The following ASTN1 variants were observed in gnomAD, a reference collection of about 807,000 sequenced individuals.
The protein encoded by ASTN1 is astrotactin-1.
In ASTN1, 41 loss-of-function variants were observed where a neutral mutation model predicts 140.7. That is an observed-to-expected ratio of 0.29 (90% CI 0.23 to 0.38). The LOEUF is 0.38. ASTN1 is among the 10% of genes least tolerant of loss of function. ASTN1 has a pLI of 1.00. For missense variants in ASTN1, 1,479 were observed against 1,678.8 expected, an observed-to-expected ratio of 0.88 and a Z score of 2.08; for synonymous variants, 640 against 652.2, an observed-to-expected ratio of 0.98 and a Z score of 0.29.
At chr1:177,107,656 C>G (rs886888923) in intron 1 of ASTN1, among the ~76,000 whole-genome samples, 2 of 152,210 alleles carry the variant, frequency 1.3e-5, no homozygotes, top group South Asian at 2.1e-4. Context: ...CTCCCCCAGA[C>G]AGCCCTCACC....
At chr1:177,116,312 C>A (rs1461949674) in intron 1 of ASTN1, among the ~76,000 whole-genome samples, 1 of 152,122 alleles carries the variant, frequency 6.6e-6, no homozygotes, top group Non-Finnish European at 1.5e-5. Flanking sequence ...CTGTATTTTA[C>A]ACTATTATAT....
chr1:176,863,712 G>A lies in ASTN1; in HGVS notation c.*572C>T, dbSNP rs1668039150. On this transcript the variant is annotated 3_prime_UTR_variant, in exon 23 of 23. Transcript: ENST00000361833. ...TTCACCTTTCGGGTATGGAAATAGT[G>A]ATAGCAAGGCCTAGGAAGAAAACCA... 2.0e-6 allele frequency: 2 copies of A among 986,148 alleles called. No individual in the cohort carries two copies. The highest frequency in any genetic ancestry group is 1.2e-6 in the Non-Finnish European group (1 of 830,476). 61.1% of individuals were successfully genotyped at this position (986,148 alleles called of 1,614,324 possible). A position where few individuals can be genotyped will look rare whatever the true frequency, so the allele number is the denominator to read the frequency against.
chr1:177,043,168 T>G (rs1369926532), intron 2 of ASTN1, among the ~76,000 whole-genome samples: 3 of 152,172 alleles, frequency 2.0e-5, no homozygotes, highest in African/African-American at 7.2e-5. Context: ...CTCAACCATT[T>G]CCTTGAGAAC....
At chr1:176,995,007 T>C (rs1341009012) in intron 8 of ASTN1, among the ~76,000 whole-genome samples, 1 of 152,194 alleles carries the variant, frequency 6.6e-6, no homozygotes, top group Non-Finnish European at 1.5e-5. Context: ...AAGAACACCA[T>C]GCCAAATGTT....
chr1:177,149,375 A>C (rs184796459), intron 1 of ASTN1, among the ~76,000 whole-genome samples: 1 of 75,196 alleles, frequency 1.3e-5, no homozygotes, highest in Non-Finnish European at 2.1e-5. Flanking sequence ...TATATAGTAT[A>C]TATAGTAAAT....
chr1:176,892,753 T>C (rs10913272), intron 17 of ASTN1, among the ~76,000 whole-genome samples: 15,695 of 152,242 alleles, frequency 0.1, 920 homozygotes, highest in African/African-American at 0.17. Context: ...CATTGAATTA[T>C]ATTCTAATGT....
chr1:176,988,317 G>GAAAAA (rs386368806), intron 8 of ASTN1, among the ~76,000 whole-genome samples: 8 of 139,942 alleles, frequency 5.7e-5, no homozygotes, highest in South Asian at 2.3e-4. Context: ...GATATATTGG[G>GAAAAA]AAAAAAAAAA....
chr1:177,041,446 C>A (rs908596735), intron 2 of ASTN1, among the ~76,000 whole-genome samples: 1 of 152,214 alleles, frequency 6.6e-6, no homozygotes, highest in African/African-American at 2.4e-5. Flanking sequence ...CACTCCAGGT[C>A]TCTGTCTCAG....
intron 1 of ASTN1, among the ~76,000 whole-genome samples, chr1:177,093,699 G>A (rs1490209668): frequency 2.6e-5 from 4 of 152,100 alleles, no homozygotes; most frequent in Non-Finnish European, 5.9e-5. Context: ...AACAGGGCCT[G>A]GGTGAGTTGA....
chr1:176,949,043 C>G, intron 12 of ASTN1, 142 bp downstream of exon 12: 1 of 1,221,132 alleles, frequency 8.2e-7, no homozygotes, highest in Non-Finnish European at 1.1e-6. Flanking sequence ...ATGTTCCCCC[C>G]CAAGTCCTAG....
chr1:177,098,165 A>G (rs1283152355), intron 1 of ASTN1, among the ~76,000 whole-genome samples: 1 of 152,104 alleles, frequency 6.6e-6, no homozygotes, highest in Non-Finnish European at 1.5e-5. Flanking sequence ...TGGACTTGCC[A>G]TTGGCGTCTG....
chr1:177,149,849 G>C lies in ASTN1; in HGVS notation c.283+14545C>G, dbSNP rs75051320. On this transcript the variant is annotated intron_variant, in intron 1 of 22. Coordinates refer to ENST00000361833, the MANE Select transcript of ASTN1 (RefSeq NM_004319.3). ...TATATACATAGTAAATATATATACAGTGTATATACATAGTAAATATATATA... is the reference window on the plus strand; with the variant it reads ...TATATACATAGTAAATATATATACACTGTATATACATAGTAAATATATATA... 1.9e-3 allele frequency among the ~76,000 whole-genome samples: 226 copies of C among 121,862 alleles called. 1 individual carries two copies. Among genetic ancestry groups the C allele is most frequent in the Non-Finnish European group, 2.2e-3 (128 of 58,376 alleles). 79.9% of individuals were successfully genotyped at this position (121,862 alleles called of 152,430 possible). A position where few individuals can be genotyped will look rare whatever the true frequency, so the allele number is the denominator to read the frequency against.
At chr1:177,049,105 C>T (rs1677398553) in intron 2 of ASTN1, among the ~76,000 whole-genome samples, 1 of 152,158 alleles carries the variant, frequency 6.6e-6, no homozygotes, top group Non-Finnish European at 1.5e-5. Flanking sequence ...TTTTTTCATG[C>T]ATTTCTTTCT....
chr1:177,125,760 A>G (rs1681612065), intron 1 of ASTN1, among the ~76,000 whole-genome samples: 1 of 152,128 alleles, frequency 6.6e-6, no homozygotes, highest in Non-Finnish European at 1.5e-5. Flanking sequence ...AACACCCTTA[A>G]TTTCCTCATA....
chr1:176,860,924 CT>C (rs529430972), downstream of ASTN1: 546 of 289,066 alleles, frequency 1.9e-3, 2 homozygotes, highest in Non-Finnish European at 2.5e-3. Context: ...ATATTTGATT[CT>C]TTTTTTTTCC....
At chr1:176,996,440 T>A (rs1674451645) in intron 8 of ASTN1, among the ~76,000 whole-genome samples, 1 of 152,010 alleles carries the variant, frequency 6.6e-6, no homozygotes, top group Non-Finnish European at 1.5e-5. Context: ...CCAACCCCCA[T>A]CCCATGGCGC....
At chr1:177,056,198 A>T (rs906236790) in intron 2 of ASTN1, among the ~76,000 whole-genome samples, 4 of 152,228 alleles carry the variant, frequency 2.6e-5, no homozygotes, top group African/African-American at 9.7e-5. Context: ...GTACTGACTC[A>T]GCCCCAAATA....
chr1:177,150,489 T>C (rs1461542469), intron 1 of ASTN1, among the ~76,000 whole-genome samples: 1 of 152,034 alleles, frequency 6.6e-6, no homozygotes, highest in African/African-American at 2.4e-5. Context: ...AAAAAGGTAG[T>C]TCAGGTAAAG....
chr1:177,136,530 T>G (rs887165198), intron 1 of ASTN1, among the ~76,000 whole-genome samples: 6 of 152,012 alleles, frequency 3.9e-5, no homozygotes, highest in Non-Finnish European at 5.9e-5. Flanking sequence ...ATTTTTGCAT[T>G]TTTAGTAGAG....
Sources: allele counts gnomAD v4.1 joint callset (sites outside exome capture counted in the v4.1 genomes callset), GRCh38; gene constraint gnomAD v4.1.1; transcripts MANE v1.5; gene names NCBI Gene and HGNC (gene_info 2026-07-23, HGNC 2026-07-21).